GALNTL6: variants seen among roughly 807,000 people sequenced by gnomAD.
The protein encoded by GALNTL6 is polypeptide N-acetylgalactosaminyltransferase-like 6.
A neutral mutation model predicts 73.7 loss-of-function variants in GALNTL6; 46 were observed. The observed-to-expected ratio is 0.62, with a 90% CI of 0.49 to 0.80. The LOEUF is 0.80. Ranked by LOEUF, GALNTL6 falls within the 30% of genes least tolerant of loss-of-function variation. The probability of loss-of-function intolerance (pLI) is 0.00; values close to 1 mark genes in which losing one functional copy is unlikely to be tolerated. For synonymous variants in GALNTL6, 259 were observed against 263.7 expected, an observed-to-expected ratio of 0.98 and a Z score of 0.17; for missense variants, 604 against 755.0, an observed-to-expected ratio of 0.80 and a Z score of 2.34.
chr4:172,550,822 C>T (rs1268922542), intron 5 of GALNTL6, among the ~76,000 whole-genome samples: 1 of 152,144 alleles, frequency 6.6e-6, no homozygotes, highest in East Asian at 1.9e-4. Context: ...GTATCAAAGA[C>T]TGAATTGTTC....
intron 2 of GALNTL6, among the ~76,000 whole-genome samples, chr4:171,848,913 A>G (rs1394800455): frequency 6.6e-6 from 1 of 151,998 alleles, no homozygotes; most frequent in Non-Finnish European, 1.5e-5. Context: ...AATTTGTGTC[A>G]AGAACTTTTC....
At chr4:172,725,185 G>C (rs987177010) in intron 5 of GALNTL6, among the ~76,000 whole-genome samples, 2 of 152,076 alleles carry the variant, frequency 1.3e-5, no homozygotes, top group African/African-American at 4.8e-5. Context: ...CACAACATTT[G>C]CATGTATAGG....
rs377665490 is a variant in GALNTL6, at chr4:172,064,203, A to G, written c.139-165453A>G. Among the ~76,000 whole-genome samples, 4 of 152,312 alleles carry G rather than the reference A, an allele frequency of 2.6e-5. No individual in the cohort carries two copies. The East Asian group carries it at 5.8e-4, about 22-fold the overall frequency. On this transcript the variant is annotated intron_variant, in intron 2 of 12. Transcript: ENST00000506823. ...GTAGTCAGATCATCCAAGAACATCT[A>G]TGCTAATTGCATTGCCCTCAATTGA...
At chr4:172,058,081 A>G (rs1247687855) in intron 2 of GALNTL6, among the ~76,000 whole-genome samples, 1 of 146,816 alleles carries the variant, frequency 6.8e-6, no homozygotes, top group Non-Finnish European at 1.5e-5. Context: ...ACAGGGCCTC[A>G]CTCTGTACAA....
At chr4:172,930,728 C>G (rs75949117) in intron 8 of GALNTL6, among the ~76,000 whole-genome samples, 7,893 of 152,226 alleles carry the variant, frequency 0.052, 405 homozygotes, top group African/African-American at 0.13. Flanking sequence ...GTTCCCCAGG[C>G]TGAAGTGCAG....
chr4:172,879,620 A>C (rs879577952), intron 7 of GALNTL6, among the ~76,000 whole-genome samples: 4 of 151,944 alleles, frequency 2.6e-5, no homozygotes, highest in Admixed American at 2.6e-4. Flanking sequence ...GTAGTCTGCT[A>C]AAGCAATAGG....
intron 5 of GALNTL6, among the ~76,000 whole-genome samples, chr4:172,547,649 T>C (rs1051245574): frequency 6.6e-6 from 1 of 152,188 alleles, no homozygotes; most frequent in African/African-American, 2.4e-5. Context: ...CCTCTTATTC[T>C]CTAGAACTAA....
chr4:172,947,211 A>G (rs1473911358), intron 9 of GALNTL6, among the ~76,000 whole-genome samples: 1 of 152,164 alleles, frequency 6.6e-6, no homozygotes, highest in Non-Finnish European at 1.5e-5. Flanking sequence ...TGATGCACCG[A>G]GAGACATTTG....
chr4:172,708,760 C>T (rs186035579), intron 5 of GALNTL6, among the ~76,000 whole-genome samples: 169 of 152,268 alleles, frequency 1.1e-3, no homozygotes, highest in African/African-American at 3.4e-3. Context: ...TTATTCTGAC[C>T]ATATCATAAT....
rs539377033 is a variant in GALNTL6 at position 172,732,146 on chromosome 4, C to A, written c.554-77215C>A. ...TACTGAGAATGGGATGTTAACATCC[C>A]TGACTATTATTGTATTGCATTCTAT... is the stretch of plus-strand genomic sequence containing the variant. On this transcript the variant is annotated intron_variant, in intron 5 of 12. Transcript: ENST00000506823. Among the ~76,000 whole-genome samples the A allele has an allele frequency of 2.0e-5, 3 of 152,162 alleles. No individual in the cohort carries two copies. In the South Asian group the frequency reaches 6.2e-4, roughly 32 times the overall value.
rs961689117 is a variant in GALNTL6, at chr4:172,442,705, G to A, written c.553+94016G>A. ...AAATGAGTCCATCCATTCAGTTACC[G>A]ATATATTTCAAGGCTTTTCTGTAAG... On this transcript the variant is annotated intron_variant, in intron 5 of 12. Coordinates refer to ENST00000506823, the MANE Select transcript of GALNTL6 (RefSeq NM_001034845.3). Among the ~76,000 whole-genome samples, 8 of 152,030 alleles carry A rather than the reference G, an allele frequency of 5.3e-5. 1 individual carries two copies. The highest frequency in any genetic ancestry group is 2.0e-4 in the Admixed American group (3 of 15,258).
At chr4:172,844,978 G>A (rs1213907835) in intron 7 of GALNTL6, among the ~76,000 whole-genome samples, 1 of 152,134 alleles carries the variant, frequency 6.6e-6, no homozygotes, top group Admixed American at 6.5e-5. Context: ...CACTTTGGGA[G>A]GCCAAGGCCG....
At chr4:172,453,170 C>T (rs1376494766) in intron 5 of GALNTL6, among the ~76,000 whole-genome samples, 1 of 151,852 alleles carries the variant, frequency 6.6e-6, no homozygotes, top group Non-Finnish European at 1.5e-5. Flanking sequence ...CCATTGCATT[C>T]CAGCCTGGGT....
intron 2 of GALNTL6, among the ~76,000 whole-genome samples, chr4:171,928,001 T>A (rs10005702): frequency 6.6e-6 from 1 of 152,072 alleles, no homozygotes; most frequent in African/African-American, 2.4e-5. Flanking sequence ...AGTTCATGAT[T>A]GTATTCCCAG....
At chr4:171,993,519 G>C (rs946684894) in intron 2 of GALNTL6, among the ~76,000 whole-genome samples, 1 of 152,014 alleles carries the variant, frequency 6.6e-6, no homozygotes, top group African/African-American at 2.4e-5. Context: ...AAGAAATAGA[G>C]GAATAACTTT....
At chr4:172,209,545 C>T (rs772914102) in intron 2 of GALNTL6, among the ~76,000 whole-genome samples, 23 of 151,714 alleles carry the variant, frequency 1.5e-4, no homozygotes, top group Non-Finnish European at 2.2e-4. Flanking sequence ...GTAACAAGTA[C>T]GTACAAACAA....
At chr4:172,477,500 T>C (rs1165677744) in intron 5 of GALNTL6, among the ~76,000 whole-genome samples, 2 of 152,134 alleles carry the variant, frequency 1.3e-5, no homozygotes, top group African/African-American at 4.8e-5. Context: ...GAATGTTGTG[T>C]CCACGGCAAA....
At chr4:172,364,233 G>A (rs1742477454) in intron 5 of GALNTL6, among the ~76,000 whole-genome samples, 1 of 152,044 alleles carries the variant, frequency 6.6e-6, no homozygotes, top group Admixed American at 6.5e-5. Context: ...GTCTAGCTTG[G>A]GTAAAATAGC....
At chr4:172,833,615 C>A (rs1742755398) in intron 7 of GALNTL6, among the ~76,000 whole-genome samples, 1 of 152,184 alleles carries the variant, frequency 6.6e-6, no homozygotes, top group East Asian at 1.9e-4. Flanking sequence ...AAATACCCAT[C>A]ATTTATAGTT....
Sources: gnomAD v4.1 joint callset for allele counts (sites outside exome capture counted in the v4.1 genomes callset) on GRCh38, gnomAD v4.1.1 for gene constraint, MANE v1.5 for transcripts, NCBI Gene and HGNC (gene_info 2026-07-23, HGNC 2026-07-21) for gene names.